Variants in TRPM3 observed in about 807,000 individuals in gnomAD.
TRPM3 encodes the protein long transient receptor potential channel 3.
A neutral mutation model predicts 181.2 loss-of-function variants in TRPM3; 77 were observed. The observed-to-expected ratio is 0.42, with a 90% CI of 0.35 to 0.51. TRPM3 has a LOEUF of 0.51. Among genes scored for constraint, TRPM3 ranks in the 20% least tolerant of loss-of-function variants. The pLI is 0.01. For synonymous variants in TRPM3, 745 were observed against 796.4 expected (o/e 0.94, Z 1.09); for missense variants, 1,759 against 2,196.7 (o/e 0.80, Z 3.98).
At chr9:71,007,842 A>G (rs1049193809) in intron 1 of TRPM3, among the ~76,000 whole-genome samples, 3 of 152,154 alleles carry the variant, frequency 2.0e-5, no homozygotes, top group Non-Finnish European at 4.4e-5. Flanking sequence ...AGATAAATAC[A>G]CAACCTAATG....
At chr9:70,544,782 T>C (rs1279047452) in intron 25 of TRPM3, among the ~76,000 whole-genome samples, 1 of 152,016 alleles carries the variant, frequency 6.6e-6, no homozygotes, top group Non-Finnish European at 1.5e-5. Context: ...TAGTAATGAA[T>C]ACTAAGTCTT....
intron 15 of TRPM3, among the ~76,000 whole-genome samples, chr9:70,620,931 AT>A (rs901023789): frequency 8.0e-5 from 12 of 149,496 alleles, no homozygotes; most frequent in South Asian, 2.1e-4. Flanking sequence ...TTCAAATAGG[AT>A]TTTTTTTTGT....
chr9:70,991,012 C>T (rs935262666), intron 1 of TRPM3, among the ~76,000 whole-genome samples: 1 of 152,184 alleles, frequency 6.6e-6, no homozygotes, highest in Non-Finnish European at 1.5e-5. Flanking sequence ...ATATGTGTTA[C>T]ATTGGGTTTA....
chr9:71,282,144 GGAAA>G lies in TRPM3; in HGVS notation c.183+164505_183+164508del, dbSNP rs879298600. Among the ~76,000 whole-genome samples, 841 of 123,576 alleles carry G rather than the reference GGAAA, an allele frequency of 6.8e-3. 87 individuals are homozygous for G. Among genetic ancestry groups the G allele is most frequent in the Non-Finnish European group, 0.011 (617 of 58,390 alleles). The allele number at this position is 123,576 out of a possible 152,430, so 81.1% of individuals were successfully genotyped here. A position where few individuals can be genotyped will look rare whatever the true frequency, so the allele number is the denominator to read the frequency against. Reference sequence around the variant, plus strand: ...AGAAAGAACGAAAGAAAGAAAGAAAGGAAAGAAAGAAAGGAAAAGAAAGAATGAA... The same window carrying G: ...AGAAAGAACGAAAGAAAGAAAGAAAGGAAAGAAAGGAAAAGAAAGAATGAA... On this transcript the variant is annotated intron_variant, in intron 1 of 24. Transcript: ENST00000357533.
intron 9 of TRPM3, among the ~76,000 whole-genome samples, chr9:70,660,841 A>T (rs1229684948): frequency 6.6e-6 from 1 of 152,152 alleles, no homozygotes; most frequent in Non-Finnish European, 1.5e-5. Context: ...TTACAGCTGA[A>T]TTCCACCAGA....
chr9:70,827,918 C>T lies in TRPM3; in HGVS notation c.902G>A (p.Gly301Glu), dbSNP rs1479227906. 2 of 1,614,020 alleles carry T rather than the reference C, an allele frequency of 1.2e-6. No homozygotes were observed. Among genetic ancestry groups the T allele is most frequent in the Non-Finnish European group, 1.7e-6 (2 of 1,180,010 alleles). ...AAGTTTCACCTCTGCTCCATATTTTCCAGTGGTCCCGTTGTCAGCCAGAAT... is the reference window on the plus strand; with the variant it reads ...AAGTTTCACCTCTGCTCCATATTTTTCAGTGGTCCCGTTGTCAGCCAGAAT... ...HFILADNGTT[G>E]KYGAEVKLRR... Residue 301 changes from glycine (G) to glutamate (E), a missense_variant, in exon 6 of 26, where the codon GGA becomes GAA. Physicochemically the swap from Gly to Glu is moderately conservative, Grantham distance 98 (BLOSUM62 -2). Transcript: ENST00000677713.
intron 1 of TRPM3, among the ~76,000 whole-genome samples, chr9:70,970,626 A>G (rs2097233749): frequency 6.6e-6 from 1 of 152,068 alleles, no homozygotes; most frequent in Non-Finnish European, 1.5e-5. Flanking sequence ...TTTGCCCATT[A>G]TCTTGTGTTT....
chr9:70,823,810 C>A (rs193223514), intron 6 of TRPM3, among the ~76,000 whole-genome samples: 2 of 152,270 alleles, frequency 1.3e-5, no homozygotes, highest in Admixed American at 1.3e-4. Flanking sequence ...GAAATTGTTC[C>A]TTGCATATTA....
At chr9:71,402,480 G>A (rs1477531445) in intron 1 of TRPM3, among the ~76,000 whole-genome samples, 1 of 152,136 alleles carries the variant, frequency 6.6e-6, no homozygotes, top group Non-Finnish European at 1.5e-5. Flanking sequence ...ATATATCAAA[G>A]GTCTGTAGCA....
chr9:70,620,510 A>C, intron 15 of TRPM3, 145 bp from the exon 16 acceptor site: 1 of 875,696 alleles, frequency 1.1e-6, no homozygotes, highest in African/African-American at 1.7e-5. Context: ...AGAACTCACA[A>C]GCTCATCCAT....
At chr9:71,284,266 T>C (rs931228041) in intron 1 of TRPM3, among the ~76,000 whole-genome samples, 1 of 152,244 alleles carries the variant, frequency 6.6e-6, no homozygotes, top group African/African-American at 2.4e-5. Flanking sequence ...CTTGCCAACA[T>C]AAAATTAACT....
chr9:70,615,072 C>G (rs2062578875), intron 18 of TRPM3, among the ~76,000 whole-genome samples: 1 of 152,252 alleles, frequency 6.6e-6, no homozygotes, highest in African/African-American at 2.4e-5. Context: ...ACAATTCACA[C>G]TGCTGTCCTA....
At chr9:70,768,843 A>T (rs1377030571) in intron 7 of TRPM3, among the ~76,000 whole-genome samples, 1 of 152,136 alleles carries the variant, frequency 6.6e-6, no homozygotes, top group Admixed American at 6.5e-5. Flanking sequence ...TGATCTCTTT[A>T]AGGCTTCATC....
chr9:71,216,100 GTA>G (rs1380932057), intron 1 of TRPM3, among the ~76,000 whole-genome samples: 1 of 152,182 alleles, frequency 6.6e-6, no homozygotes, highest in African/African-American at 2.4e-5. Context: ...TGTAACTGAA[GTA>G]TGAAGTTGCT....
At chr9:70,540,906 G>C (rs1459952375) in intron 25 of TRPM3, among the ~76,000 whole-genome samples, 1 of 152,064 alleles carries the variant, frequency 6.6e-6, no homozygotes. Flanking sequence ...TACTTTTGGA[G>C]AGACAGGGTT....
At chr9:71,301,497 A>G (rs533349521) in intron 1 of TRPM3, among the ~76,000 whole-genome samples, 2 of 152,292 alleles carry the variant, frequency 1.3e-5, no homozygotes, top group Admixed American at 1.3e-4. Flanking sequence ...AGCCATATAT[A>G]CAAGACTCAG....
chr9:70,549,495 G>A, intron 25 of TRPM3, 47 bp downstream of exon 25: 1 of 1,570,366 alleles, frequency 6.4e-7, no homozygotes, highest in Non-Finnish European at 8.6e-7. Flanking sequence ...GATAAAGCAT[G>A]CCTTGGCACA....
chr9:70,568,328 C>G (rs949960359), intron 22 of TRPM3, among the ~76,000 whole-genome samples: 2 of 152,150 alleles, frequency 1.3e-5, no homozygotes, highest in Admixed American at 1.3e-4. Context: ...TGGTTACAAC[C>G]ATCCTAGAGA....
chr9:70,605,708 T>C (rs79976500), intron 19 of TRPM3, among the ~76,000 whole-genome samples: 46 of 152,204 alleles, frequency 3.0e-4, no homozygotes, highest in Non-Finnish European at 4.3e-4. Context: ...TGGTTAAAAC[T>C]CTAAAATATA....
Sources: allele counts gnomAD v4.1 joint callset (sites outside exome capture counted in the v4.1 genomes callset), GRCh38; gene constraint gnomAD v4.1.1; transcripts MANE v1.5; gene names NCBI Gene and HGNC (gene_info 2026-07-23, HGNC 2026-07-21).